The following FBXO9 variants were observed in gnomAD, a reference collection of about 807,000 sequenced individuals.
FBXO9 encodes F-box only protein 9.
FBXO9 carries 43 observed loss-of-function variants against 63.7 expected under a neutral mutation model. That is an observed-to-expected ratio of 0.67 (90% CI 0.53 to 0.87). The LOEUF (loss-of-function observed/expected upper bound fraction) is 0.87. FBXO9 is among the 40% of genes least tolerant of loss of function. FBXO9 has a pLI of 0.00. For synonymous variants in FBXO9, 156 were observed against 171.7 expected (o/e 0.91, Z 0.72); for missense variants, 442 against 533.2 (o/e 0.83, Z 1.68).
intron 4 of FBXO9, among the ~76,000 whole-genome samples, chr6:53,077,298 C>T (rs1194427916): frequency 6.6e-6 from 1 of 151,506 alleles, no homozygotes; most frequent in Non-Finnish European, 1.5e-5. Context: ...AACGGTGAAA[C>T]CCCGTCTCTA....
Position 53,087,704 on chromosome 6 carries a change from G to A in FBXO9, c.654-4725G>A, listed in dbSNP as rs190350760. ...TAGATCCCAGGAAGAAATAGAAACT[G>A]TAGTTTTGCAGATGGCTGTTCAACA... On this transcript the variant is annotated intron_variant, in intron 7 of 12. Coordinates refer to ENST00000323557, the MANE Select transcript of FBXO9 (RefSeq NM_033480.3). Among the ~76,000 whole-genome samples, 36 of 152,314 alleles carry A rather than the reference G, an allele frequency of 2.4e-4. 1 individual carries two copies. In the East Asian group the frequency reaches 6.9e-3, roughly 29 times the overall value.
chr6:53,085,923 G>T (rs993856522), intron 7 of FBXO9, among the ~76,000 whole-genome samples: 1 of 152,168 alleles, frequency 6.6e-6, no homozygotes, highest in Non-Finnish European at 1.5e-5. Flanking sequence ...GATGAGGCGG[G>T]TGGATTACCT....
chr6:53,068,555 A>G (rs1163849794), intron 1 of FBXO9, among the ~76,000 whole-genome samples: 2 of 152,178 alleles, frequency 1.3e-5, no homozygotes, highest in African/African-American at 4.8e-5. Context: ...CCTAGTACAT[A>G]TAAAATACAC....
At chr6:53,082,679 C>T in intron 7 of FBXO9, 61 bp downstream of exon 7, 1 of 1,186,100 alleles carries the variant, frequency 8.4e-7, no homozygotes. Context: ...GAAAGATGGT[C>T]CTTTGCCAAT....
intron 5 of FBXO9, among the ~76,000 whole-genome samples, chr6:53,080,197 CT>C (rs914495308): frequency 8.7e-5 from 13 of 149,376 alleles, no homozygotes; most frequent in African/African-American, 2.5e-4. Context: ...AAAAGTTTGC[CT>C]TTTTTTTTCT....
chr6:53,072,211 G>A (rs1271010996), intron 2 of FBXO9, among the ~76,000 whole-genome samples: 2 of 148,668 alleles, frequency 1.3e-5, no homozygotes, highest in Non-Finnish European at 3.0e-5. Flanking sequence ...TTCTAGATAC[G>A]TCTTTTTTTA....
At chr6:53,089,837 A>ATAC (rs1226377542) in intron 7 of FBXO9, among the ~76,000 whole-genome samples, 1 of 152,214 alleles carries the variant, frequency 6.6e-6, no homozygotes, top group Non-Finnish European at 1.5e-5. Context: ...GTGGAAGTAG[A>ATAC]GTGCTCAGAG....
chr6:53,075,737 ATTTTTTTTTT>A (rs1203980167), intron 3 of FBXO9, among the ~76,000 whole-genome samples: 1 of 102,934 alleles, frequency 9.7e-6, no homozygotes, highest in African/African-American at 3.8e-5. Flanking sequence ...ATATATAATT[ATTTTTTTTTT>A]TTTTTTTTTT....
rs371208323 is a variant in FBXO9, at chr6:53,097,401, C to T, written c.1206-321C>T. On this transcript the variant is annotated intron_variant, in intron 12 of 12. Transcript: ENST00000323557. ...AGCAGACAGTGAAATATCATCCTGC[C>T]ACTAAAAATGGTTTCTGAAAAATAA... Among the ~76,000 whole-genome samples the T allele has an allele frequency of 2.3e-3, 351 of 151,948 alleles. 2 individuals are homozygous for T. The highest frequency in any genetic ancestry group is 3.4e-3 in the Middle Eastern group (1 of 294).
rs541049621 is a variant in FBXO9 at position 53,088,161 on chromosome 6, A to C, written c.654-4268A>C. ...TACTTACTGATTTGTTTCTTATGCC[A>C]TATTTTGAAATAAACTTTAAATAAC... On this transcript the variant is annotated intron_variant, in intron 7 of 12. Transcript: ENST00000323557. Among the ~76,000 whole-genome samples the C allele has an allele frequency of 2.0e-5, 3 of 152,290 alleles. No homozygotes were observed. The South Asian group carries it at 6.2e-4, about 32-fold the overall frequency.
chr6:53,067,230 A>T (rs778463997), intron 1 of FBXO9, among the ~76,000 whole-genome samples: 3 of 152,224 alleles, frequency 2.0e-5, no homozygotes, highest in Admixed American at 6.5e-5. Context: ...GTAGATCACC[A>T]TACCTCTTTA....
intron 7 of FBXO9, among the ~76,000 whole-genome samples, chr6:53,083,927 AT>A (rs771595799): frequency 6.6e-6 from 1 of 152,216 alleles, no homozygotes; most frequent in Non-Finnish European, 1.5e-5. Context: ...GGGGAGAATG[AT>A]TAGCAACTAG....
At chr6:53,089,184 C>T (rs528647635) in intron 7 of FBXO9, among the ~76,000 whole-genome samples, 1 of 152,166 alleles carries the variant, frequency 6.6e-6, no homozygotes, top group East Asian at 1.9e-4. Context: ...ACACCATTCT[C>T]CTGCCTCAGC....
intron 6 of FBXO9, among the ~76,000 whole-genome samples, chr6:53,081,798 G>A (rs1009301232): frequency 6.6e-6 from 1 of 152,192 alleles, no homozygotes; most frequent in African/African-American, 2.4e-5. Flanking sequence ...TTCGGGCATG[G>A]TGGCTCACGC....
At chr6:53,072,063 A>C (rs918751798) in intron 2 of FBXO9, among the ~76,000 whole-genome samples, 1 of 152,178 alleles carries the variant, frequency 6.6e-6, no homozygotes, top group African/African-American at 2.4e-5. Flanking sequence ...TAAGGTTAAT[A>C]ATAATTATTT....
In FBXO9 at chr6:53,075,734, A is replaced by ATTTTTTTTTTTTTTTTTT. The variant is rs761159029; in HGVS notation, c.250-750_250-749insTTTTTTTTTTTTTTTTTT. On this transcript the variant is annotated intron_variant, in intron 3 of 12. Transcript: ENST00000323557. ...TAATTGGATTACATATATATATATA[A>ATTTTTTTTTTTTTTTTTT]TTATTTTTTTTTTTTTTTTTTTTTT... 3.7e-5 allele frequency among the ~76,000 whole-genome samples: 3 copies of ATTTTTTTTTTTTTTTTTT among 82,180 alleles called. 1 individual carries two copies. Among genetic ancestry groups the ATTTTTTTTTTTTTTTTTT allele is most frequent in the Non-Finnish European group, 6.3e-5 (3 of 47,454 alleles). The allele number at this position is 82,180 out of a possible 152,430, so 53.9% of individuals were successfully genotyped here.
At chr6:53,071,014 G>T (rs760030223) in intron 1 of FBXO9, 43 bp from the exon 2 acceptor site, 2 of 1,553,888 alleles carry the variant, frequency 1.3e-6, no homozygotes, top group East Asian at 4.8e-5. Context: ...AGGGCAACTG[G>T]TGTGTTTATA....
At chr6:53,066,159 T>TCA (rs1170106796) in intron 1 of FBXO9, 1 of 1,051,890 alleles carries the variant, frequency 9.5e-7, no homozygotes, top group Non-Finnish European at 1.1e-6. Context: ...AGGTAAGCTG[T>TCA]CACAGCGCCT....
Position 53,093,491 on chromosome 6 carries a change from C to T in FBXO9, c.889C>T (p.His297Tyr), listed in dbSNP as rs1763107885. 18 of 1,613,484 alleles carry T rather than the reference C, an allele frequency of 1.1e-5. No homozygotes were observed. The highest frequency in any genetic ancestry group is 1.4e-5 in the Non-Finnish European group (17 of 1,179,642). ...GTACATAAGATTCTTTCCTGATGGCCATGTGATGATGTTGACAACCCCTGA... is the reference window on the plus strand; with the variant it reads ...GTACATAAGATTCTTTCCTGATGGCTATGTGATGATGTTGACAACCCCTGA... The part of the protein sequence containing the change: ...YRYIRFFPDG[H>Y]VMMLTTPEEP... Residue 297 changes from histidine to tyrosine, a missense_variant, in exon 10 of 13, where the codon CAT becomes TAT. By Grantham distance (83) the His-to-Tyr change is moderately conservative. Transcript: ENST00000323557.
Sources: gnomAD v4.1 joint callset for allele counts (sites outside exome capture counted in the v4.1 genomes callset) on GRCh38, gnomAD v4.1.1 for gene constraint, MANE v1.5 for transcripts, NCBI Gene and HGNC (gene_info 2026-07-23, HGNC 2026-07-21) for gene names.